Variants in PALS2 observed in about 807,000 individuals in gnomAD.
The protein encoded by PALS2 is protein PALS2.
Under a neutral mutation model 61.6 loss-of-function variants are expected in PALS2, and 27 were observed. The observed-to-expected ratio is 0.44, with a 90% CI of 0.32 to 0.60. The LOEUF is 0.60. PALS2 is among the 20% of genes least tolerant of loss of function. The pLI is 0.05. For missense variants in PALS2, 554 were observed against 639.4 expected (o/e 0.87, Z 1.44); for synonymous variants, 236 against 218.6 (o/e 1.08, Z -0.70).
Position 24,691,405 on chromosome 7 carries a change from G to GTGTGTGTGTGTGTATA in PALS2, c.*3792_*3793insGTGTGTGTGTGTATAT, listed in dbSNP as rs1274329385. On this transcript the variant is annotated 3_prime_UTR_variant, in exon 12 of 12. Coordinates refer to ENST00000222644, the MANE Select transcript of PALS2 (RefSeq NM_001303037.2). ...ATATTATGTATGTGTGTGTGTGTGT[G>GTGTGTGTGTGTGTATA]TATATATATATATATATATATATAT... The GTGTGTGTGTGTGTATA allele has an allele frequency of 3.6e-5, 4 of 110,592 alleles. No individual in the cohort carries two copies. Among genetic ancestry groups the GTGTGTGTGTGTGTATA allele is most frequent in the South Asian group, 3.3e-4 (1 of 3,016 alleles). The allele number at this position is 110,592 out of a possible 1,614,324, so 6.9% of individuals were successfully genotyped here. A position where few individuals can be genotyped will look rare whatever the true frequency, so the allele number is the denominator to read the frequency against.
At chr7:24,675,112 A>G (rs1018600637) in intron 9 of PALS2, among the ~76,000 whole-genome samples, 7 of 152,152 alleles carry the variant, frequency 4.6e-5, no homozygotes, top group Non-Finnish European at 1.5e-5. Flanking sequence ...AGTAGAGAAT[A>G]GGATTGTAGT....
chr7:24,674,190 A>G (rs1787446308), intron 9 of PALS2: 1 of 152,682 alleles, frequency 6.5e-6, no homozygotes, highest in Admixed American at 6.5e-5. Flanking sequence ...CTTAAACCTT[A>G]CATGAGTACA....
At chr7:24,655,434 C>T (rs144591738) in intron 5 of PALS2, among the ~76,000 whole-genome samples, 25 of 151,926 alleles carry the variant, frequency 1.6e-4, no homozygotes, top group Non-Finnish European at 3.1e-4. Context: ...TTGGGGAAAC[C>T]GAATGATGGG....
Position 24,687,386 on chromosome 7 carries a change from C to G in PALS2, c.1447-52C>G. ...TATTCACTTCTAGTTGGAGTTTGAG[C>G]AAGTAAATATGCATTGTAATACAAA... On this transcript the variant is annotated intron_variant, in intron 11 of 11. Coordinates refer to ENST00000222644, the MANE Select transcript of PALS2 (RefSeq NM_001303037.2). This position sits in a 1 kb window ranked among gnomAD's most constrained non-coding sequence, Gnocchi z 4.5. 1 of 1,378,150 alleles carries G rather than the reference C, an allele frequency of 7.3e-7. No individual in the cohort carries two copies. The highest frequency in any genetic ancestry group is 2.3e-5 in the East Asian group (1 of 43,024). 85.4% of individuals were successfully genotyped at this position (1,378,150 alleles called of 1,614,324 possible).
At chr7:24,574,081 G>C (rs900470170) in intron 1 of PALS2, 1 of 152,358 alleles carries the variant, frequency 6.6e-6, no homozygotes, top group African/African-American at 2.4e-5. Flanking sequence ...ACACCTCCGG[G>C]GTCTGTCCCG....
intron 10 of PALS2, among the ~76,000 whole-genome samples, chr7:24,680,166 T>G (rs185625210): frequency 9.2e-5 from 14 of 152,334 alleles, no homozygotes; most frequent in Admixed American, 9.2e-4. Context: ...TGGATCATTG[T>G]TTTATACTTT....
intron 4 of PALS2, 64 bp from the exon 5 acceptor site, chr7:24,650,421 C>G: frequency 7.8e-7 from 1 of 1,278,416 alleles, no homozygotes; most frequent in East Asian, 2.4e-5. Flanking sequence ...CTTACATATG[C>G]TCATGAATAT....
chr7:24,580,114 A>G (rs1194693857), intron 1 of PALS2, among the ~76,000 whole-genome samples: 2 of 152,188 alleles, frequency 1.3e-5, no homozygotes, highest in African/African-American at 2.4e-5. Context: ...AGAGGGGTAC[A>G]TGTTGGGAGA....
In PALS2 at chr7:24,649,692, T is replaced by A; in HGVS notation, c.351T>A (p.Ser117=). 1 of 1,612,194 alleles carries A rather than the reference T, an allele frequency of 6.2e-7. No individual in the cohort carries two copies. ...PPSSPEMNNS[S]INNQLLPVDA... is the part of the protein sequence containing the mutation. ...CAAGCCCAGAAATGAATAATTCTTC[T>A]ATCAATAATCAGTTATTACCAGTAG... The change falls in exon 4 of 12, where the codon TCT becomes TCA. Residue 117 remains serine, a synonymous_variant. Coordinates refer to ENST00000222644, the MANE Select transcript of PALS2 (RefSeq NM_001303037.2).
chr7:24,603,265 G>C (rs1783781384), intron 1 of PALS2, among the ~76,000 whole-genome samples: 1 of 152,212 alleles, frequency 6.6e-6, no homozygotes, highest in Admixed American at 6.5e-5. Context: ...AAAACCAGCA[G>C]CTTTGCTGCC....
Position 24,690,350 on chromosome 7 carries a change from A to T in PALS2, c.*2736A>T, listed in dbSNP as rs1464322587. ...AAATGTGAACTTCTCTTTTGGGAAG[A>T]TCTGCGATAATTAGCTTTATGGAAG... is the stretch of plus-strand genomic sequence containing the variant. On this transcript the variant is annotated 3_prime_UTR_variant, in exon 12 of 12. Coordinates refer to ENST00000222644, the MANE Select transcript of PALS2 (RefSeq NM_001303037.2). 3.3e-5 allele frequency: 5 copies of T among 152,226 alleles called. No homozygotes were observed. The allele number at this position is 152,226 out of a possible 1,614,324, so 9.4% of individuals were successfully genotyped here. A position where few individuals can be genotyped will look rare whatever the true frequency, so the allele number is the denominator to read the frequency against.
intron 2 of PALS2, among the ~76,000 whole-genome samples, chr7:24,641,118 T>C (rs1470722914): frequency 6.6e-6 from 1 of 151,692 alleles, no homozygotes; most frequent in East Asian, 1.9e-4. Flanking sequence ...ACTTTACTTA[T>C]AAAGACAGAT....
chr7:24,682,953 T>A (rs914395819), intron 11 of PALS2, among the ~76,000 whole-genome samples: 1 of 152,106 alleles, frequency 6.6e-6, no homozygotes, highest in Non-Finnish European at 1.5e-5. Context: ...TATTCAGGTT[T>A]TTGGTTGGTT....
chr7:24,646,597 A>C (rs1785845590), intron 3 of PALS2, among the ~76,000 whole-genome samples: 1 of 152,200 alleles, frequency 6.6e-6, no homozygotes, highest in Non-Finnish European at 1.5e-5. Flanking sequence ...TGTCAAGGAT[A>C]TTGGCCTAAA....
chr7:24,583,364 T>A (rs1782923824), intron 1 of PALS2, among the ~76,000 whole-genome samples: 1 of 152,150 alleles, frequency 6.6e-6, no homozygotes, highest in Non-Finnish European at 1.5e-5. Context: ...AGCATTAAGC[T>A]CTTGAAAACA....
At chr7:24,666,127 T>A in intron 8 of PALS2, 38 bp downstream of exon 8, 1 of 1,523,394 alleles carries the variant, frequency 6.6e-7, no homozygotes, top group Non-Finnish European at 9.1e-7. Context: ...CCAAGTGAAG[T>A]AGCTATATGT....
In PALS2 at chr7:24,687,783, G is replaced by A. The variant is rs1290891601; in HGVS notation, c.*169G>A. On this transcript the variant is annotated 3_prime_UTR_variant, in exon 12 of 12. Transcript: ENST00000222644. This position sits in a 1 kb window ranked among gnomAD's most constrained non-coding sequence, Gnocchi z 4.5. ...ACTTCTGAATTTTTATATAAAATGT[G>A]GTTGGAAGGTGTACTAATATATAAT... 6 of 548,666 alleles carry A rather than the reference G, an allele frequency of 1.1e-5. No homozygotes were observed. In the South Asian group the frequency reaches 1.3e-4, roughly 12 times the overall value. 34.0% of individuals were successfully genotyped at this position (548,666 alleles called of 1,614,324 possible). A position where few individuals can be genotyped will look rare whatever the true frequency, so the allele number is the denominator to read the frequency against.
At chr7:24,664,699 G>A (rs984252419) in intron 6 of PALS2, among the ~76,000 whole-genome samples, 1 of 151,908 alleles carries the variant, frequency 6.6e-6, no homozygotes, top group African/African-American at 2.4e-5. Context: ...CTAAGAAATG[G>A]GTAAATTAAA....
At chr7:24,626,950 A>T (rs1784774554) in intron 2 of PALS2, among the ~76,000 whole-genome samples, 2 of 152,194 alleles carry the variant, frequency 1.3e-5, no homozygotes, top group Admixed American at 6.5e-5. Flanking sequence ...CGTCAATATT[A>T]GACAGCTCAA....
Sources: allele counts gnomAD v4.1 joint callset (sites outside exome capture counted in the v4.1 genomes callset), GRCh38; gene constraint gnomAD v4.1.1; non-coding constraint Gnocchi (gnomAD v3.1); transcripts MANE v1.5; gene names NCBI Gene and HGNC (gene_info 2026-07-23, HGNC 2026-07-21).